Variants in CSMD1 observed in about 807,000 individuals in gnomAD.
CSMD1 encodes the protein CUB and Sushi multiple domains 1.
In CSMD1, 213 loss-of-function variants were observed where a neutral mutation model predicts 417.5. That is an observed-to-expected ratio of 0.51 (90% confidence interval 0.46 to 0.57). The LOEUF (loss-of-function observed/expected upper bound fraction) is 0.57, where lower values mean the gene tolerates loss of function less well. CSMD1 is among the 20% of genes least tolerant of loss of function. CSMD1 has a pLI of 0.00. For synonymous variants in CSMD1, 2,862 were observed against 1,736.8 expected, an observed-to-expected ratio of 1.65 and a Z score of -16.11; for missense variants, 6,923 against 4,529.7, an observed-to-expected ratio of 1.53 and a Z score of -15.17.
intron 3 of CSMD1, among the ~76,000 whole-genome samples, chr8:4,185,190 C>T (rs1028372196): frequency 3.2e-5 from 4 of 125,302 alleles, no homozygotes; most frequent in Non-Finnish European, 5.3e-5. Flanking sequence ...CAAAAAGAAA[C>T]ACAAAAATGC....
chr8:3,770,060 G>C (rs1038845616), intron 5 of CSMD1, among the ~76,000 whole-genome samples: 4 of 152,216 alleles, frequency 2.6e-5, no homozygotes, highest in African/African-American at 4.8e-5. Context: ...GATCAGGGAA[G>C]GCTTGCGTCT....
At chr8:4,207,325 G>A (rs978424266) in intron 3 of CSMD1, among the ~76,000 whole-genome samples, 1 of 152,088 alleles carries the variant, frequency 6.6e-6, no homozygotes, top group South Asian at 2.1e-4. Flanking sequence ...TAGTGGCTAG[G>A]ACTCGTAATT....
chr8:3,328,276 T>G (rs1471721760), intron 23 of CSMD1, among the ~76,000 whole-genome samples: 1 of 152,210 alleles, frequency 6.6e-6, no homozygotes, highest in Non-Finnish European at 1.5e-5. Context: ...GCTTCATAAA[T>G]GCTTTTTCCA....
Position 4,947,106 on chromosome 8 carries a change from A to G in CSMD1, c.85+47226T>C, listed in dbSNP as rs374373202. Among the ~76,000 whole-genome samples, 123 of 152,326 alleles carry G rather than the reference A, an allele frequency of 8.1e-4. 2 individuals are homozygous for G. The East Asian group carries it at 8.5e-3, about 11-fold the overall frequency. ...TCCATTTGTAGTTACATAGTCATCT[A>G]TAACTACTTGTATCCATCTGTGCAT... On this transcript the variant is annotated intron_variant, in intron 1 of 69. Transcript: ENST00000635120.
intron 6 of CSMD1, among the ~76,000 whole-genome samples, chr8:3,722,649 A>T (rs1443467254): frequency 6.6e-6 from 1 of 152,130 alleles, no homozygotes; most frequent in East Asian, 1.9e-4. Context: ...CCAGGCATGA[A>T]ATGTGTATAT....
intron 10 of CSMD1, among the ~76,000 whole-genome samples, chr8:3,571,345 A>T (rs1195406221): frequency 6.6e-6 from 1 of 152,142 alleles, no homozygotes; most frequent in African/African-American, 2.4e-5. Flanking sequence ...TAGCATACAC[A>T]TCTCCTACAT....
chr8:4,595,214 C>A (rs1453103241), intron 2 of CSMD1, among the ~76,000 whole-genome samples: 1 of 151,732 alleles, frequency 6.6e-6, no homozygotes, highest in African/African-American at 2.4e-5. Context: ...CACGTAGGAA[C>A]AGAACTCAAA....
intron 2 of CSMD1, among the ~76,000 whole-genome samples, chr8:4,429,052 T>C (rs1797723446): frequency 6.6e-6 from 1 of 152,032 alleles, no homozygotes; most frequent in African/African-American, 2.4e-5. Context: ...TTTTACATAC[T>C]TACAGTGTAC....
chr8:3,500,375 G>A (rs148228856), intron 10 of CSMD1, among the ~76,000 whole-genome samples: 1 of 152,242 alleles, frequency 6.6e-6, no homozygotes, highest in East Asian at 1.9e-4. Flanking sequence ...TGTGGCCAGT[G>A]AGCATTTAGA....
At chr8:3,142,277 G>C (rs1818551153) in intron 41 of CSMD1, among the ~76,000 whole-genome samples, 188 bp downstream of exon 41, 1 of 152,160 alleles carries the variant, frequency 6.6e-6, no homozygotes, top group Non-Finnish European at 1.5e-5. Context: ...TGGTGGTTCC[G>C]TCTGTGTCCT....
At chr8:4,728,835 A>G (rs1021021053) in intron 1 of CSMD1, among the ~76,000 whole-genome samples, 11 of 152,104 alleles carry the variant, frequency 7.2e-5, no homozygotes, top group African/African-American at 2.7e-4. Flanking sequence ...TCGAAACAAA[A>G]AGCTGGCATC....
chr8:3,838,306 C>T (rs954894934), intron 5 of CSMD1, among the ~76,000 whole-genome samples: 2 of 151,850 alleles, frequency 1.3e-5, no homozygotes, highest in African/African-American at 4.8e-5. Context: ...GGAGGCAAGG[C>T]AGGAGGATTG....
chr8:3,230,423 T>C (rs551699095), intron 26 of CSMD1, among the ~76,000 whole-genome samples, 192 bp from the exon 27 acceptor site: 2 of 152,342 alleles, frequency 1.3e-5, no homozygotes, highest in East Asian at 3.9e-4. Flanking sequence ...TGTGCTTGCA[T>C]TGCATAAACT....
At chr8:4,417,768 T>C (rs950138680) in intron 3 of CSMD1, among the ~76,000 whole-genome samples, 3 of 152,038 alleles carry the variant, frequency 2.0e-5, no homozygotes, top group African/African-American at 7.2e-5. Context: ...TTCTAATTAT[T>C]ATCATTAATT....
At chr8:4,294,554 A>G (rs538789568) in intron 3 of CSMD1, among the ~76,000 whole-genome samples, 1 of 152,186 alleles carries the variant, frequency 6.6e-6, no homozygotes, top group African/African-American at 2.4e-5. Flanking sequence ...TCACTTGTCC[A>G]TGGTGCCATG....
intron 5 of CSMD1, among the ~76,000 whole-genome samples, chr8:3,986,873 G>T (rs1421174586): frequency 6.6e-6 from 1 of 151,988 alleles, no homozygotes; most frequent in Non-Finnish European, 1.5e-5. Context: ...TCCTGCTTCA[G>T]CCTCCCAAGT....
chr8:3,275,202 G>A (rs1332470336), intron 26 of CSMD1, among the ~76,000 whole-genome samples: 1 of 152,122 alleles, frequency 6.6e-6, no homozygotes, highest in African/African-American at 2.4e-5. Context: ...TAGTTTGGCT[G>A]GATATGAAAT....
chr8:3,918,436 G>C (rs1003598377), intron 5 of CSMD1, among the ~76,000 whole-genome samples: 18 of 152,072 alleles, frequency 1.2e-4, no homozygotes, highest in Admixed American at 2.6e-4. Context: ...GCGTTTGTCT[G>C]ATAATTAATT....
At chr8:3,753,607 T>A (rs890330866) in intron 6 of CSMD1, among the ~76,000 whole-genome samples, 1 of 152,210 alleles carries the variant, frequency 6.6e-6, no homozygotes, top group Non-Finnish European at 1.5e-5. Flanking sequence ...TGAATGTAAA[T>A]ACAATAGCCA....
Sources: gnomAD v4.1 joint callset for allele counts (sites outside exome capture counted in the v4.1 genomes callset) on GRCh38, gnomAD v4.1.1 for gene constraint, MANE v1.5 for transcripts, NCBI Gene and HGNC (gene_info 2026-07-23, HGNC 2026-07-21) for gene names.